The following STAC variants were observed in gnomAD, a reference collection of about 807,000 sequenced individuals.
The protein encoded by STAC is SH3 and cysteine-rich domain-containing protein.
Under a neutral mutation model 48.8 loss-of-function variants are expected in STAC, and 43 were observed. That is an observed-to-expected ratio of 0.88 (90% CI 0.69 to 1.14). The LOEUF is 1.14. Ranked by LOEUF, STAC falls within the 50% of genes most tolerant of loss-of-function variation. The pLI is 0.00. For missense variants in STAC, 497 were observed against 504.0 expected (o/e 0.99, Z 0.13); for synonymous variants, 193 against 179.5 (o/e 1.07, Z -0.60).
intron 1 of STAC, among the ~76,000 whole-genome samples, chr3:36,434,711 G>T (rs55932011): frequency 0.023 from 3,545 of 152,208 alleles, 58 homozygotes; most frequent in East Asian, 0.026. Context: ...AATGATCAGG[G>T]GCACACTGGT....
chr3:36,445,472 AGG>A, intron 2 of STAC, among the ~76,000 whole-genome samples: 1 of 152,156 alleles, frequency 6.6e-6, no homozygotes, highest in East Asian at 1.9e-4. Context: ...GCAGAAGGGA[AGG>A]GGAGAGAAAG....
chr3:36,470,985 T>C (rs993186809), intron 2 of STAC, among the ~76,000 whole-genome samples: 3 of 152,174 alleles, frequency 2.0e-5, no homozygotes, highest in Non-Finnish European at 2.9e-5. Context: ...AGGGAGGAAT[T>C]TGGAAGTTGT....
chr3:36,526,728 T>A (rs1575262947), intron 8 of STAC, among the ~76,000 whole-genome samples: 1 of 152,026 alleles, frequency 6.6e-6, no homozygotes, highest in East Asian at 1.9e-4. Context: ...ACACCTATAC[T>A]CTAAAGAAAA....
chr3:36,420,350 C>A (rs1310045001), intron 1 of STAC, among the ~76,000 whole-genome samples: 1 of 152,194 alleles, frequency 6.6e-6, no homozygotes, highest in Non-Finnish European at 1.5e-5. Context: ...AACCTGACTT[C>A]CTTTTTCAGT....
chr3:36,441,284 C>T (rs1559492270), intron 1 of STAC, among the ~76,000 whole-genome samples: 1 of 151,968 alleles, frequency 6.6e-6, no homozygotes, highest in Non-Finnish European at 1.5e-5. Flanking sequence ...CTCTGTTCTA[C>T]TTTTAACTTC....
chr3:36,501,572 C>T (rs567320699), intron 6 of STAC, among the ~76,000 whole-genome samples: 30 of 152,052 alleles, frequency 2.0e-4, no homozygotes, highest in African/African-American at 4.8e-4. Context: ...TAGATATCAA[C>T]GATTAAAGCC....
intron 1 of STAC, among the ~76,000 whole-genome samples, chr3:36,415,504 T>C (rs1700299720): frequency 6.6e-6 from 1 of 152,196 alleles, no homozygotes; most frequent in Admixed American, 6.5e-5. Context: ...AAAAGCACAG[T>C]ATTGGGGTGG....
chr3:36,419,505 C>A (rs978633662), intron 1 of STAC, among the ~76,000 whole-genome samples: 1 of 151,992 alleles, frequency 6.6e-6, no homozygotes, highest in Non-Finnish European at 1.5e-5. Flanking sequence ...ATTGTACCAC[C>A]ACACAATGGG....
At chr3:36,434,117 G>A (rs1246404794) in intron 1 of STAC, among the ~76,000 whole-genome samples, 1 of 152,192 alleles carries the variant, frequency 6.6e-6, no homozygotes, top group Non-Finnish European at 1.5e-5. Context: ...TGTTAGAGGT[G>A]AATGTGGAAA....
chr3:36,439,828 TCAAAACC>T (rs1380892334), intron 1 of STAC, among the ~76,000 whole-genome samples: 2 of 152,092 alleles, frequency 1.3e-5, no homozygotes, highest in Non-Finnish European at 2.9e-5. Context: ...GGTGTCCTCT[TCAAAACC>T]AATGCTATGC....
intron 1 of STAC, among the ~76,000 whole-genome samples, chr3:36,414,276 A>G (rs930385187): frequency 1.3e-5 from 2 of 152,098 alleles, no homozygotes; most frequent in Admixed American, 6.6e-5. Context: ...GTGTTTTCCA[A>G]CTGGGTTCAA....
chr3:36,430,255 AGTAT>A (rs1336726043), intron 1 of STAC, among the ~76,000 whole-genome samples: 1 of 152,234 alleles, frequency 6.6e-6, no homozygotes, highest in Non-Finnish European at 1.5e-5. Flanking sequence ...ATAGAATAAG[AGTAT>A]GTAGAATGTC....
intron 1 of STAC, among the ~76,000 whole-genome samples, chr3:36,411,620 C>A (rs1354184991): frequency 6.6e-6 from 1 of 152,198 alleles, no homozygotes; most frequent in Non-Finnish European, 1.5e-5. Flanking sequence ...ACCATAGCAT[C>A]TAAGCCCAGG....
chr3:36,398,298 A>G (rs983008627), intron 1 of STAC, among the ~76,000 whole-genome samples: 1 of 103,144 alleles, frequency 9.7e-6, no homozygotes, highest in Non-Finnish European at 1.9e-5. Flanking sequence ...ATGTTAAAAA[A>G]GAAAGAAAGA....
At chr3:36,471,434 A>C (rs1297068276) in intron 2 of STAC, among the ~76,000 whole-genome samples, 5 of 152,148 alleles carry the variant, frequency 3.3e-5, no homozygotes, top group Non-Finnish European at 5.9e-5. Context: ...TTTCAAAACC[A>C]ATCATGCTTT....
chr3:36,426,013 C>G (rs568391122), intron 1 of STAC, among the ~76,000 whole-genome samples: 1 of 152,234 alleles, frequency 6.6e-6, no homozygotes, highest in East Asian at 1.9e-4. Flanking sequence ...GCCTGAGTGA[C>G]AGCAAGACCC....
chr3:36,389,464 C>A (rs998316666), intron 1 of STAC, among the ~76,000 whole-genome samples: 4 of 152,094 alleles, frequency 2.6e-5, no homozygotes, highest in African/African-American at 9.7e-5. Context: ...CCTTTTAATA[C>A]CGTCATACTG....
intron 1 of STAC, among the ~76,000 whole-genome samples, chr3:36,420,905 C>T (rs1356454597): frequency 6.6e-6 from 1 of 152,172 alleles, no homozygotes; most frequent in Non-Finnish European, 1.5e-5. Flanking sequence ...ATTCCAAGCA[C>T]AAGTATTTTT....
intron 8 of STAC, among the ~76,000 whole-genome samples, chr3:36,507,163 A>G (rs1271106708): frequency 1.3e-5 from 2 of 152,158 alleles, no homozygotes; most frequent in African/African-American, 4.8e-5. Flanking sequence ...CTTTTTCTGC[A>G]TCTATTGAGA....
Sources: allele counts gnomAD v4.1 joint callset (sites outside exome capture counted in the v4.1 genomes callset), GRCh38; gene constraint gnomAD v4.1.1; transcripts MANE v1.5; gene names NCBI Gene and HGNC (gene_info 2026-07-23, HGNC 2026-07-21).